Variants in TAX1BP1 observed in about 807,000 individuals in gnomAD.
TAX1BP1 encodes the protein Tax1 binding protein 1.
Under a neutral mutation model 97.7 loss-of-function variants are expected in TAX1BP1, and 62 were observed. That is an observed-to-expected ratio of 0.63 (90% CI 0.52 to 0.78). TAX1BP1 has a LOEUF of 0.78. TAX1BP1 is among the 30% of genes least tolerant of loss of function. The pLI is 0.00. For synonymous variants in TAX1BP1, 340 were observed against 304.2 expected (o/e 1.12, Z -1.23); for missense variants, 867 against 916.1 (o/e 0.95, Z 0.69).
intron 14 of TAX1BP1, 130 bp from the exon 15 acceptor site, chr7:27,816,760 T>A: frequency 8.2e-7 from 1 of 1,215,142 alleles, no homozygotes; most frequent in Admixed American, 2.8e-5. Flanking sequence ...ATCACCTGGG[T>A]TAAAAATAAA....
chr7:27,775,033 T>G (rs574919769), intron 5 of TAX1BP1, among the ~76,000 whole-genome samples: 160 of 152,306 alleles, frequency 1.1e-3, no homozygotes, highest in African/African-American at 3.7e-3. Flanking sequence ...TTTACATTTA[T>G]TTAAGATTGT....
chr7:27,772,339 A>C (rs1788877938), intron 5 of TAX1BP1: 1 of 151,926 alleles, frequency 6.6e-6, no homozygotes, highest in South Asian at 2.1e-4. Context: ...GTAGTTCTAG[A>C]GGTCTTCTAT....
intron 5 of TAX1BP1, among the ~76,000 whole-genome samples, chr7:27,774,963 A>G (rs1186789091): frequency 6.6e-6 from 1 of 152,254 alleles, no homozygotes; most frequent in South Asian, 2.1e-4. Context: ...TTTTGATTGA[A>G]AACCAGAAAA....
At chr7:27,746,433 T>G (rs1787822290) in intron 1 of TAX1BP1, among the ~76,000 whole-genome samples, 1 of 151,498 alleles carries the variant, frequency 6.6e-6, no homozygotes, top group Non-Finnish European at 1.5e-5. Context: ...TTTTTTCCTT[T>G]GTGAAGCCAG....
intron 5 of TAX1BP1, 74 bp from the exon 6 acceptor site, chr7:27,785,089 C>T (rs1376400379): frequency 6.9e-7 from 1 of 1,444,054 alleles, no homozygotes; most frequent in African/African-American, 1.4e-5. Flanking sequence ...ACATAGTTTT[C>T]TTAAAGATAT....
At chr7:27,797,868 T>C (rs2128319544) in intron 12 of TAX1BP1, among the ~76,000 whole-genome samples, 1 of 151,126 alleles carries the variant, frequency 6.6e-6, no homozygotes, top group South Asian at 2.1e-4. Flanking sequence ...TAAACAACCA[T>C]ATTGAGGTAT....
chr7:27,765,002 CCTCT>C (rs139654486), intron 3 of TAX1BP1, among the ~76,000 whole-genome samples: 419 of 1,406 alleles, frequency 0.3, 20 homozygotes, highest in Admixed American at 0.47. Context: ...GTCTGCCTCT[CCTCT>C]CTGTTTTTTT....
intron 10 of TAX1BP1, 64 bp from the exon 11 acceptor site, chr7:27,794,259 A>G (rs765915548): frequency 5.8e-4 from 783 of 1,344,246 alleles, no homozygotes; most frequent in Non-Finnish European, 7.5e-4. Context: ...TTACTTAGTT[A>G]CTGCAAGGAG....
chr7:27,781,965 C>G (rs1789275227), intron 5 of TAX1BP1, among the ~76,000 whole-genome samples: 1 of 152,062 alleles, frequency 6.6e-6, no homozygotes, highest in South Asian at 2.1e-4. Context: ...ATCTGCCCGC[C>G]TCGGCCTCCC....
At chr7:27,779,870 A>G (rs947831258) in intron 5 of TAX1BP1, among the ~76,000 whole-genome samples, 2 of 152,238 alleles carry the variant, frequency 1.3e-5, no homozygotes, top group African/African-American at 4.8e-5. Context: ...TCACTGACAT[A>G]TCCTGGTTTC....
At chr7:27,806,799 G>T (rs1790359053) in intron 13 of TAX1BP1, among the ~76,000 whole-genome samples, 1 of 152,064 alleles carries the variant, frequency 6.6e-6, no homozygotes, top group Admixed American at 6.6e-5. Flanking sequence ...ATGATTGTTG[G>T]TGTTTTTATT....
At chr7:27,760,395 A>AT (rs34019058) in intron 3 of TAX1BP1, among the ~76,000 whole-genome samples, 60,229 of 143,478 alleles carry the variant, frequency 0.42, 13,632 homozygotes, top group South Asian at 0.55. Flanking sequence ...TTATTTTAGA[A>AT]TTTTTTTTTT....
chr7:27,787,277 C>T (rs949722090), intron 7 of TAX1BP1, 141 bp from the exon 8 acceptor site: 1 of 640,106 alleles, frequency 1.6e-6, no homozygotes, highest in Admixed American at 3.7e-5. Flanking sequence ...TTTGGCAGAA[C>T]CTGGGTCTCC....
intron 12 of TAX1BP1, among the ~76,000 whole-genome samples, chr7:27,799,280 G>A (rs1469605526): frequency 1.3e-5 from 2 of 152,094 alleles, no homozygotes; most frequent in African/African-American, 4.8e-5. Context: ...ATTTTTAAGC[G>A]TTCACATTGA....
intron 3 of TAX1BP1, among the ~76,000 whole-genome samples, chr7:27,764,349 T>G (rs111408675): frequency 2.0e-4 from 31 of 152,330 alleles, no homozygotes; most frequent in African/African-American, 6.3e-4. Flanking sequence ...TTTTGTGGTG[T>G]TGTTTGTTTT....
At chr7:27,763,069 A>G (rs1460700019) in intron 3 of TAX1BP1, among the ~76,000 whole-genome samples, 3 of 152,182 alleles carry the variant, frequency 2.0e-5, no homozygotes, top group Admixed American at 6.5e-5. Flanking sequence ...CCGTGCCTAG[A>G]ACTTTTTTGT....
At chr7:27,766,842 C>G (rs946482042) in intron 4 of TAX1BP1, among the ~76,000 whole-genome samples, 2 of 152,216 alleles carry the variant, frequency 1.3e-5, no homozygotes, top group Admixed American at 1.3e-4. Context: ...GGGGAGCTTC[C>G]CAGTCTCTTA....
chr7:27,811,728 G>T (rs1424068413), intron 13 of TAX1BP1, among the ~76,000 whole-genome samples: 1 of 152,066 alleles, frequency 6.6e-6, no homozygotes, highest in African/African-American at 2.4e-5. Flanking sequence ...TTCCATTACT[G>T]CACAAAGTTC....
chr7:27,754,671 C>T (rs972748381), intron 2 of TAX1BP1, among the ~76,000 whole-genome samples: 1 of 152,060 alleles, frequency 6.6e-6, no homozygotes, highest in Non-Finnish European at 1.5e-5. Context: ...CTCCTGGGTT[C>T]ACGCCATTCT....
Sources: gnomAD v4.1 joint callset for allele counts (sites outside exome capture counted in the v4.1 genomes callset) on GRCh38, gnomAD v4.1.1 for gene constraint, MANE v1.5 for transcripts, NCBI Gene and HGNC (gene_info 2026-07-23, HGNC 2026-07-21) for gene names.